Variants in DHX30 observed in about 807,000 individuals in gnomAD.
DHX30 encodes DExH-box helicase 30.
In DHX30, 4 loss-of-function variants were observed where a neutral mutation model predicts 116.9. The ratio of observed to expected loss-of-function variants is 0.03; its 90% CI spans 0.02 to 0.08. DHX30 has a LOEUF of 0.08. Ranked by LOEUF, DHX30 falls within the 10% of genes least tolerant of loss-of-function variation. DHX30 has a pLI of 1.00. For synonymous variants in DHX30, 697 were observed against 651.7 expected, an observed-to-expected ratio of 1.07 and a Z score of -1.06; for missense variants, 871 against 1,595.1, an observed-to-expected ratio of 0.55 and a Z score of 7.73.
intron 2 of DHX30, among the ~76,000 whole-genome samples, chr3:47,810,216 C>T (rs944359414): frequency 6.6e-6 from 1 of 152,174 alleles, no homozygotes; most frequent in Non-Finnish European, 1.5e-5. Context: ...GTCCTGTTTC[C>T]TGATGCCACA....
rs1449575070 is a variant in DHX30, at chr3:47,849,296, G to A, written c.3034G>A (p.Glu1012Lys). 2 of 1,614,144 alleles carry A rather than the reference G, an allele frequency of 1.2e-6. No individual in the cohort carries two copies. The highest frequency in any genetic ancestry group is 1.6e-4 in the Middle Eastern group (1 of 6,062). The change falls in exon 19 of 22, where the codon GAG becomes AAG. Residue 1012 changes from glutamate to lysine, a missense_variant. Glu to Lys is a moderately conservative substitution (Grantham distance 56). Transcript: ENST00000445061. ...SAQCNEYSEE[E>K]ELVKGVLMAG... is the part of the protein sequence containing the mutation. ...CCAGTGCAACGAGTACAGTGAGGAG[G>A]AGGAGCTGGTGAAGGGCGTGCTGAT...
intron 6 of DHX30, among the ~76,000 whole-genome samples, chr3:47,831,365 C>T (rs953994005): frequency 1.3e-5 from 2 of 152,066 alleles, no homozygotes; most frequent in Non-Finnish European, 2.9e-5. Context: ...GAGAGATCTG[C>T]CCCCATGACC....
At chr3:47,845,004 C>G (rs1279205375) in intron 9 of DHX30, among the ~76,000 whole-genome samples, 1 of 152,018 alleles carries the variant, frequency 6.6e-6, no homozygotes, top group African/African-American at 2.4e-5. Flanking sequence ...GGGGTGCGTT[C>G]TAGCATCGAG....
chr3:47,818,542 A>G (rs1292228345), intron 4 of DHX30, among the ~76,000 whole-genome samples: 1 of 152,160 alleles, frequency 6.6e-6, no homozygotes, highest in African/African-American at 2.4e-5. Context: ...GGCTTTGGGA[A>G]TACACACAGA....
chr3:47,844,342 A>G (rs1273080770), intron 9 of DHX30, among the ~76,000 whole-genome samples: 1 of 152,252 alleles, frequency 6.6e-6, no homozygotes, highest in East Asian at 1.9e-4. Context: ...AGGACTGAGT[A>G]GAACTGGAGG....
intron 6 of DHX30, among the ~76,000 whole-genome samples, chr3:47,830,477 T>G (rs2036794295): frequency 6.6e-6 from 1 of 152,018 alleles, no homozygotes; most frequent in African/African-American, 2.4e-5. Context: ...ATTTTTTCAT[T>G]TTTAGTAGAG....
chr3:47,831,799 C>A (rs1446423220), intron 6 of DHX30, among the ~76,000 whole-genome samples: 3 of 151,584 alleles, frequency 2.0e-5, no homozygotes, highest in Non-Finnish European at 4.4e-5. Flanking sequence ...GCATGAGCCA[C>A]TGCACCCAGC....
intron 2 of DHX30, among the ~76,000 whole-genome samples, chr3:47,810,425 G>C (rs1257269585): frequency 6.6e-6 from 1 of 152,226 alleles, no homozygotes; most frequent in Non-Finnish European, 1.5e-5. Context: ...AGGATATGGG[G>C]AGTTTTAGGA....
At chr3:47,839,826 C>A (rs764511517) in intron 6 of DHX30, among the ~76,000 whole-genome samples, 18 of 151,812 alleles carry the variant, frequency 1.2e-4, no homozygotes, top group Non-Finnish European at 2.4e-4. Context: ...CAGGTGCCCA[C>A]CACCACGCCC....
At chr3:47,823,610 C>G (rs925829261) in intron 4 of DHX30, among the ~76,000 whole-genome samples, 13 of 152,166 alleles carry the variant, frequency 8.5e-5, no homozygotes, top group African/African-American at 2.7e-4. Context: ...GATCCGCCTG[C>G]CTCAGCCTCC....
At chr3:47,844,247 C>A (rs888086202) in intron 9 of DHX30, among the ~76,000 whole-genome samples, 6 of 152,148 alleles carry the variant, frequency 3.9e-5, no homozygotes, top group African/African-American at 1.4e-4. Flanking sequence ...TAACAAGAAC[C>A]TGGAGAAAGA....
chr3:47,824,926 C>T, intron 4 of DHX30: 1 of 487,626 alleles, frequency 2.1e-6, no homozygotes, highest in Non-Finnish European at 3.6e-6. Flanking sequence ...CTCGCCTAGG[C>T]TTGGGCTTCG....
intron 6 of DHX30, among the ~76,000 whole-genome samples, chr3:47,840,445 G>GAC (rs2037322050): frequency 6.6e-6 from 1 of 151,712 alleles, no homozygotes; most frequent in African/African-American, 2.4e-5. Flanking sequence ...AGGAGTTCAA[G>GAC]ACCATCCTGG....
intron 2 of DHX30, among the ~76,000 whole-genome samples, chr3:47,808,951 C>T (rs1196750213): frequency 6.8e-6 from 1 of 148,090 alleles, no homozygotes; most frequent in Non-Finnish European, 1.5e-5. Flanking sequence ...TGCAATGGTG[C>T]GATCTCGGCT....
Position 47,809,234 on chromosome 3 carries a change from CTTTTTTTTTTT to C in DHX30, c.-27-1408_-27-1398del, listed in dbSNP as rs71070231. On this transcript the variant is annotated intron_variant, in intron 2 of 21. Transcript: ENST00000445061. ...AGAAGGTGTCTATGGAATGTAACTT[CTTTTTTTTTTT>C]TTTTTTTTTTTTTTGAGACGGAGTC... Among the ~76,000 whole-genome samples the C allele has an allele frequency of 8.8e-3, 560 of 63,598 alleles. 6 individuals carry two copies. The Middle Eastern group carries it at 0.12, about 14-fold the overall frequency. 41.7% of individuals were successfully genotyped at this position (63,598 alleles called of 152,430 possible).
chr3:47,810,912 C>T (rs1192885307), intron 3 of DHX30, among the ~76,000 whole-genome samples: 1 of 152,152 alleles, frequency 6.6e-6, no homozygotes, highest in African/African-American at 2.4e-5. Flanking sequence ...CATGCTTCCT[C>T]CCAGTGCCCC....
In DHX30 at chr3:47,847,013, C is replaced by T; in HGVS notation, c.1929+12C>T. The stretch of plus-strand genomic sequence containing the variant: ...ACCGGCACCATGAGGTGAGGGACAC[C>T]CCCATCCCACCCAAGGCTCCTGGCC... On this transcript the variant is annotated intron_variant, in intron 11 of 21. Transcript: ENST00000445061. This position sits in a 1 kb window ranked among gnomAD's most constrained non-coding sequence, Gnocchi z 5.5. 1 of 1,600,996 alleles carries T rather than the reference C, an allele frequency of 6.2e-7. No homozygotes were observed. Among genetic ancestry groups the T allele is most frequent in the Admixed American group, 1.7e-5 (1 of 59,694 alleles).
intron 9 of DHX30, among the ~76,000 whole-genome samples, chr3:47,843,750 G>A (rs993554995): frequency 6.6e-6 from 1 of 152,196 alleles, no homozygotes; most frequent in Non-Finnish European, 1.5e-5. Flanking sequence ...CCAGGCTGGA[G>A]TATAGTGGCA....
chr3:47,816,614 C>G (rs1217239864), intron 3 of DHX30: 9 of 985,218 alleles, frequency 9.1e-6, no homozygotes, highest in Non-Finnish European at 1.1e-5. Context: ...CCTCAGCCTC[C>G]CAAAGTGCTG....
Sources: allele counts gnomAD v4.1 joint callset (sites outside exome capture counted in the v4.1 genomes callset), GRCh38; gene constraint gnomAD v4.1.1; non-coding constraint Gnocchi (gnomAD v3.1); transcripts MANE v1.5; gene names NCBI Gene and HGNC (gene_info 2026-07-23, HGNC 2026-07-21).